The following SLC6A5 variants were observed in gnomAD, a reference collection of about 807,000 sequenced individuals.
The protein encoded by SLC6A5 is solute carrier family 6 member 5.
SLC6A5 carries 58 observed loss-of-function variants against 90.5 expected under a neutral mutation model. The observed-to-expected ratio is 0.64, with a 90% CI of 0.52 to 0.80. SLC6A5 has a LOEUF of 0.80. Ranked by LOEUF, SLC6A5 falls within the 30% of genes least tolerant of loss-of-function variation. The pLI is 0.00. For missense variants in SLC6A5, 1,015 were observed against 1,017.6 expected (o/e 1.00, Z 0.03); for synonymous variants, 427 against 401.4 (o/e 1.06, Z -0.76).
intron 12 of SLC6A5, 43 bp from the exon 13 acceptor site, chr11:20,638,416 C>A: frequency 8.1e-7 from 1 of 1,230,332 alleles, no homozygotes; most frequent in Non-Finnish European, 1.2e-6. Context: ...GACAGCCTGG[C>A]TTCAGGACGC....
At chr11:20,643,810 G>A (rs773145737) in intron 13 of SLC6A5, among the ~76,000 whole-genome samples, 3 of 152,126 alleles carry the variant, frequency 2.0e-5, no homozygotes, top group Non-Finnish European at 2.9e-5. Flanking sequence ...CAACAGTCCC[G>A]AGGCTTGGCG....
At position 20,655,217 on chromosome 11, in the gene SLC6A5, G is replaced by A. The variant is rs374375282; in HGVS notation, c.*349G>A. On this transcript the variant is annotated 3_prime_UTR_variant, in exon 16 of 16. Coordinates refer to ENST00000525748, the MANE Select transcript of SLC6A5 (RefSeq NM_004211.5). Reference sequence around the variant, plus strand: ...GGTATCCACTGTGTGATGGCATGGGGGGTGCCAGTAAGGCATGTATAGAGT... The same window carrying A: ...GGTATCCACTGTGTGATGGCATGGGAGGTGCCAGTAAGGCATGTATAGAGT... 2 of 364,256 alleles carry A rather than the reference G, an allele frequency of 5.5e-6. No individual in the cohort carries two copies. Among genetic ancestry groups the A allele is most frequent in the Admixed American group, 7.5e-5 (2 of 26,784 alleles). 22.6% of individuals were successfully genotyped at this position (364,256 alleles called of 1,614,324 possible).
At chr11:20,622,607 C>A (rs1852912961) in intron 7 of SLC6A5, among the ~76,000 whole-genome samples, 1 of 152,176 alleles carries the variant, frequency 6.6e-6, no homozygotes, top group East Asian at 1.9e-4. Context: ...TAACCTGAAC[C>A]TCAGTTAACT....
chr11:20,611,130 T>C (rs532053195), intron 5 of SLC6A5, among the ~76,000 whole-genome samples: 57 of 152,284 alleles, frequency 3.7e-4, no homozygotes, highest in African/African-American at 1.3e-3. Context: ...GATCCCGAAT[T>C]CCAGCAAAAC....
rs759094601 is a variant in SLC6A5, at chr11:20,655,745, A to G, written c.*877A>G. The G allele has an allele frequency of 6.6e-6, 1 of 152,284 alleles. No homozygotes were observed. The highest frequency in any genetic ancestry group is 3.4e-3 in the Middle Eastern group (1 of 294). 9.4% of individuals were successfully genotyped at this position (152,284 alleles called of 1,614,324 possible). A position where few individuals can be genotyped will look rare whatever the true frequency, so the allele number is the denominator to read the frequency against. ...TTTCTTCTCTAAATGTCTTTCTATA[A>G]GCTGTAGACACCTTGTCTTTTGACC... On this transcript the variant is annotated 3_prime_UTR_variant, in exon 16 of 16. Coordinates refer to ENST00000525748, the MANE Select transcript of SLC6A5 (RefSeq NM_004211.5).
In SLC6A5 at chr11:20,646,834, G is replaced by C. The variant is rs1393021676; in HGVS notation, c.1970G>C (p.Gly657Ala). ...FELVGISYVY[G>A]LQRFCEDIEM... ...CTGTTCTCTGCTTGTCTATTTGCAGGCTTGCAAAGATTCTGTGAAGATATA... is the reference window on the plus strand; with the variant it reads ...CTGTTCTCTGCTTGTCTATTTGCAGCCTTGCAAAGATTCTGTGAAGATATA... The change falls in exon 14 of 16, where the codon GGC becomes GCC. Residue 657 changes from glycine (G) to alanine (A), a missense_variant and splice_region_variant. Transcript: ENST00000525748. 8.1e-6 allele frequency: 13 copies of C among 1,609,078 alleles called. No homozygotes were observed. The highest frequency in any genetic ancestry group is 1.1e-5 in the Non-Finnish European group (13 of 1,175,700).
chr11:20,607,561 G>C lies in SLC6A5; in HGVS notation c.894G>C (p.Leu298=). 6.2e-7 allele frequency: 1 copy of C among 1,614,038 alleles called. No individual in the cohort carries two copies. The highest frequency in any genetic ancestry group is 8.5e-7 in the Non-Finnish European group (1 of 1,179,934). ...NVIICYTLFY[L]FASFVSVLPW... ...TTATTTGCTATACACTTTTCTACCTGTTTGCCTCCTTTGTGTCTGTACTAC... is the reference window on the plus strand; with the variant it reads ...TTATTTGCTATACACTTTTCTACCTCTTTGCCTCCTTTGTGTCTGTACTAC... Residue 298 remains leucine, a synonymous_variant, in exon 5 of 16, where the codon CTG becomes CTC. Coordinates refer to ENST00000525748, the MANE Select transcript of SLC6A5 (RefSeq NM_004211.5).
intron 3 of SLC6A5, among the ~76,000 whole-genome samples, chr11:20,605,938 G>A (rs983316186): frequency 1.3e-5 from 2 of 152,218 alleles, no homozygotes; most frequent in Non-Finnish European, 1.5e-5. Context: ...GGCTTGGAGA[G>A]CCCCGGGCAG....
rs564357032 is a variant in SLC6A5, at chr11:20,607,325, C to T, written c.812-154C>T. On this transcript the variant is annotated intron_variant, in intron 4 of 15. Coordinates refer to ENST00000525748, the MANE Select transcript of SLC6A5 (RefSeq NM_004211.5). ...GCATTGTTGAGTTCCCAGCAGAATG[C>T]CTTCATATCCCTGGTAGACATACAG... Among the ~76,000 whole-genome samples, 5 of 150,584 alleles carry T rather than the reference C, an allele frequency of 3.3e-5. No individual in the cohort carries two copies. The East Asian group carries it at 9.6e-4, about 29-fold the overall frequency.
Position 20,652,274 on chromosome 11 carries a change from C to T in SLC6A5, c.2071-15C>T, listed in dbSNP as rs1297765110. 1 of 1,613,932 alleles carries T rather than the reference C, an allele frequency of 6.2e-7. No homozygotes were observed. Among genetic ancestry groups the T allele is most frequent in the East Asian group, 2.2e-5 (1 of 44,882 alleles). On this transcript the variant is annotated splice_polypyrimidine_tract_variant and intron_variant, in intron 14 of 15. Transcript: ENST00000525748. ...CGCCACCACCCTAACACGTGTGTCA[C>T]TTTTCTCTTTCCAGTTTATCCTTTG...
rs537285043 is a variant in SLC6A5 at position 20,626,685 on chromosome 11, C to A, written c.1261-23C>A. ...ACTCTGCAGGGCTGCTTCTTCCAGCCCCTCTGCCCATGGCTTTTCTAGGTG... is the reference window on the plus strand; with the variant it reads ...ACTCTGCAGGGCTGCTTCTTCCAGCACCTCTGCCCATGGCTTTTCTAGGTG... On this transcript the variant is annotated intron_variant, in intron 7 of 15. Coordinates refer to ENST00000525748, the MANE Select transcript of SLC6A5 (RefSeq NM_004211.5). The A allele has an allele frequency of 3.7e-6, 6 of 1,613,694 alleles. No homozygotes were observed. In the Admixed American group the frequency reaches 8.3e-5, roughly 22 times the overall value.
intron 3 of SLC6A5, among the ~76,000 whole-genome samples, chr11:20,604,667 C>T (rs969146027): frequency 5.3e-5 from 8 of 152,182 alleles, no homozygotes; most frequent in Non-Finnish European, 1.0e-4. Flanking sequence ...TGAGAACCCA[C>T]AAACCCCCAC....
intron 5 of SLC6A5, among the ~76,000 whole-genome samples, chr11:20,609,118 G>T (rs1229329660): frequency 6.6e-6 from 1 of 152,054 alleles, no homozygotes; most frequent in African/African-American, 2.4e-5. Flanking sequence ...GCAGAGCAAA[G>T]ATATGACACA....
At chr11:20,622,978 C>T (rs1852920620) in intron 7 of SLC6A5, among the ~76,000 whole-genome samples, 1 of 152,142 alleles carries the variant, frequency 6.6e-6, no homozygotes, top group Admixed American at 6.5e-5. Flanking sequence ...CGTCAGATGC[C>T]CTTGGATTTC....
chr11:20,628,069 C>T lies in SLC6A5; in HGVS notation c.1485C>T (p.His495=). The T allele has an allele frequency of 3.1e-6, 5 of 1,613,354 alleles. No homozygotes were observed. The South Asian group carries it at 5.5e-5, about 18-fold the overall frequency. ...CTCTCTCTTCTTACAACAAATTCCACAACAACTGCTACAGGTATGTAGAGG... is the reference window on the plus strand; with the variant it reads ...CTCTCTCTTCTTACAACAAATTCCATAACAACTGCTACAGGTATGTAGAGG... ...LITLSSYNKF[H]NNCYRDTLIV... The change falls in exon 9 of 16, where the codon CAC becomes CAT. Residue 495 remains histidine, a synonymous_variant. Transcript: ENST00000525748.
chr11:20,625,827 A>G (rs192647307), intron 7 of SLC6A5, among the ~76,000 whole-genome samples: 1 of 152,198 alleles, frequency 6.6e-6, no homozygotes, highest in East Asian at 1.9e-4. Flanking sequence ...TGTCATCTCC[A>G]TGAACGTCTT....
At chr11:20,602,736 C>T (rs967327277) in intron 2 of SLC6A5, among the ~76,000 whole-genome samples, 12 of 152,212 alleles carry the variant, frequency 7.9e-5, no homozygotes, top group African/African-American at 2.9e-4. Context: ...TCCACAGGCC[C>T]ACATAGCAGG....
chr11:20,635,401 G>A lies in SLC6A5; in HGVS notation c.1625-906G>A, dbSNP rs556418310. On this transcript the variant is annotated intron_variant, in intron 10 of 15. Coordinates refer to ENST00000525748, the MANE Select transcript of SLC6A5 (RefSeq NM_004211.5). ...ACCCTTACATGATGTTTCATGCGCC[G>A]CCCCCCCGCAACCCGACTAACTACT... 2.0e-4 allele frequency among the ~76,000 whole-genome samples: 30 copies of A among 151,756 alleles called. No homozygotes were observed. In the South Asian group the frequency reaches 6.1e-3, roughly 31 times the overall value.
intron 10 of SLC6A5, among the ~76,000 whole-genome samples, chr11:20,634,963 A>G (rs1472478126): frequency 1.3e-5 from 2 of 152,054 alleles, no homozygotes; most frequent in Non-Finnish European, 2.9e-5. Flanking sequence ...GTCTTTAGCT[A>G]CCTTTGATTA....
Sources: gnomAD v4.1 joint callset for allele counts (sites outside exome capture counted in the v4.1 genomes callset) on GRCh38, gnomAD v4.1.1 for gene constraint, MANE v1.5 for transcripts, NCBI Gene and HGNC (gene_info 2026-07-23, HGNC 2026-07-21) for gene names.